RANBP17: variants seen among roughly 807,000 people sequenced by gnomAD.
RANBP17 encodes RAN binding protein 17, also known as ran-binding protein 17.
In RANBP17, 158 loss-of-function variants were observed where a neutral mutation model predicts 141.2. That is an observed-to-expected ratio of 1.12 (90% CI 0.98 to 1.28). The LOEUF (loss-of-function observed/expected upper bound fraction) is 1.28, where lower values mean the gene tolerates loss of function less well. RANBP17 is among the 50% of genes most tolerant of loss of function. The pLI is 0.00. For missense variants in RANBP17, 1,438 were observed against 1,290.7 expected (o/e 1.11, Z -1.75); for synonymous variants, 430 against 450.0 (o/e 0.96, Z 0.56).
chr5:170,886,578 A>G (rs1327588149), intron 3 of RANBP17, among the ~76,000 whole-genome samples: 1 of 152,030 alleles, frequency 6.6e-6, no homozygotes, highest in African/African-American at 2.4e-5. Context: ...AAATGATAAA[A>G]TAGAGTAGTA....
intron 14 of RANBP17, among the ~76,000 whole-genome samples, chr5:170,986,787 G>A (rs1561959867): frequency 6.6e-6 from 1 of 151,754 alleles, no homozygotes; most frequent in Admixed American, 6.6e-5. Context: ...GCAGCAGATG[G>A]CATTCTTTCC....
intron 13 of RANBP17, among the ~76,000 whole-genome samples, chr5:170,964,847 A>G (rs373073402): frequency 6.6e-6 from 1 of 152,122 alleles, no homozygotes; most frequent in East Asian, 1.9e-4. Flanking sequence ...GAATAGTGCC[A>G]CAATAAACAT....
At chr5:171,036,278 C>T (rs1297741829) in intron 14 of RANBP17, among the ~76,000 whole-genome samples, 2 of 151,984 alleles carry the variant, frequency 1.3e-5, no homozygotes, top group South Asian at 2.1e-4. Flanking sequence ...TGATAACATG[C>T]GATATTTGGT....
At chr5:171,164,225 C>T (rs962152176) in intron 14 of RANBP17, among the ~76,000 whole-genome samples, 1 of 152,110 alleles carries the variant, frequency 6.6e-6, no homozygotes. Flanking sequence ...CTGTAATCTA[C>T]TCCAAATTTA....
rs766766666 is a variant in RANBP17, at chr5:170,919,445, G to A, written c.1106G>A (p.Trp369Ter). 2 of 1,562,824 alleles carry A rather than the reference G, an allele frequency of 1.3e-6. No individual in the cohort carries two copies. The highest frequency in any genetic ancestry group is 1.7e-6 in the Non-Finnish European group (2 of 1,158,180). ...TTCTGCTTTATTTCTTTGTAGCACT[G>A]GGAATTTGCTCCTAACAGTGTTCAT... ...ANFTITSLQH[W>*]EFAPNSVHYL... Residue 369 changes from tryptophan to a stop codon, truncating the protein, a stop_gained, in exon 11 of 28, where the codon TGG becomes TAG. Transcript: ENST00000523189. LOFTEE classifies it high-confidence loss of function.
chr5:171,249,610 G>A (rs900191672), intron 24 of RANBP17, among the ~76,000 whole-genome samples: 5 of 152,182 alleles, frequency 3.3e-5, no homozygotes, highest in African/African-American at 4.8e-5. Flanking sequence ...AGAATTCATT[G>A]AGGGAAATAC....
In RANBP17 at chr5:170,918,856, A is replaced by C; in HGVS notation, c.1098A>C (p.Leu366=). ...TTGCTAATTTTACCATTACTAGCCT[A>C]CAGGTAGGTAAAAATATGTAATTAT... ...RLIANFTITS[L]QHWEFAPNSV... Residue 366 remains leucine, a synonymous_variant, in exon 10 of 28, where the codon CTA becomes CTC. Transcript: ENST00000523189. 1 of 1,561,162 alleles carries C rather than the reference A, an allele frequency of 6.4e-7. No individual in the cohort carries two copies. Among genetic ancestry groups the C allele is most frequent in the South Asian group, 1.2e-5 (1 of 83,604 alleles).
Position 170,862,033 on chromosome 5 carries a change from G to A in RANBP17, c.-1G>A. 1 of 1,461,756 alleles carries A rather than the reference G, an allele frequency of 6.8e-7. No homozygotes were observed. 90.5% of individuals were successfully genotyped at this position (1,461,756 alleles called of 1,614,324 possible). On this transcript the variant is annotated 5_prime_UTR_variant, in exon 1 of 28. Coordinates refer to ENST00000523189, the MANE Select transcript of RANBP17 (RefSeq NM_022897.5). ...GCTGGCCGGCGCCGCCTCCTGGGAA[G>A]ATGGCGCTGCACTTCCAGGTCAGTG...
chr5:171,073,215 T>A (rs1419785454), intron 14 of RANBP17, among the ~76,000 whole-genome samples: 2 of 152,028 alleles, frequency 1.3e-5, no homozygotes, highest in Non-Finnish European at 2.9e-5. Context: ...ATGGAAACTA[T>A]AACTGATGAA....
intron 23 of RANBP17, among the ~76,000 whole-genome samples, chr5:171,241,528 C>T (rs1764877970): frequency 6.6e-6 from 1 of 152,050 alleles, no homozygotes; most frequent in African/African-American, 2.4e-5. Flanking sequence ...GCATCATCTT[C>T]CACCTTTATA....
chr5:171,166,499 G>T, intron 14 of RANBP17, among the ~76,000 whole-genome samples: 1 of 151,446 alleles, frequency 6.6e-6, no homozygotes, highest in South Asian at 2.1e-4. Flanking sequence ...CTGCAATATG[G>T]TTTCTTCTTG....
chr5:171,228,326 A>G (rs1581071391), intron 22 of RANBP17, among the ~76,000 whole-genome samples: 3 of 152,330 alleles, frequency 2.0e-5, no homozygotes, highest in South Asian at 4.1e-4. Flanking sequence ...TCAAGACTTC[A>G]GGGGAGAAAT....
chr5:171,006,253 C>T (rs1448314177), intron 14 of RANBP17, among the ~76,000 whole-genome samples: 1 of 152,100 alleles, frequency 6.6e-6, no homozygotes, highest in Non-Finnish European at 1.5e-5. Flanking sequence ...TGGGTATATA[C>T]CCAAAGAATT....
rs530125347 is a variant in RANBP17, at chr5:170,909,939, T to C, written c.594+174T>C. On this transcript the variant is annotated intron_variant, in intron 6 of 27. Transcript: ENST00000523189. ...GTAAGCAGTTCCAAAAAATTCACTT[T>C]TACTCACTGGGCATATGATAAGGTG... is the stretch of plus-strand genomic sequence containing the variant. 2.8e-5 allele frequency: 13 copies of C among 467,416 alleles called. No individual in the cohort carries two copies. In the South Asian group the frequency reaches 4.0e-4, roughly 14 times the overall value. 29.0% of individuals were successfully genotyped at this position (467,416 alleles called of 1,614,324 possible).
At chr5:170,936,839 T>C (rs1773917892) in intron 12 of RANBP17, among the ~76,000 whole-genome samples, 1 of 152,236 alleles carries the variant, frequency 6.6e-6, no homozygotes, top group South Asian at 2.1e-4. Flanking sequence ...TGGAATTGTT[T>C]ATAATCTAAT....
chr5:171,152,640 C>G (rs1003175801), intron 14 of RANBP17, among the ~76,000 whole-genome samples: 38 of 152,142 alleles, frequency 2.5e-4, no homozygotes, highest in African/African-American at 8.9e-4. Context: ...CCACAGCTCC[C>G]TTCTGTCATG....
intron 11 of RANBP17, among the ~76,000 whole-genome samples, chr5:170,921,974 C>G (rs1276582449): frequency 6.6e-6 from 1 of 152,106 alleles, no homozygotes; most frequent in Admixed American, 6.5e-5. Context: ...GTTTTATCTA[C>G]CTTTGGTCTT....
chr5:170,927,517 T>G (rs1041421559), intron 12 of RANBP17, among the ~76,000 whole-genome samples: 5 of 152,180 alleles, frequency 3.3e-5, no homozygotes, highest in African/African-American at 1.2e-4. Context: ...TTGGCCTTTT[T>G]TTTTGTAAAT....
intron 14 of RANBP17, among the ~76,000 whole-genome samples, chr5:171,080,552 G>A (rs1265697003): frequency 1.3e-5 from 2 of 152,156 alleles, no homozygotes; most frequent in African/African-American, 4.8e-5. Context: ...TCACCAAGAG[G>A]ATCATGTGAG....
Sources: allele counts gnomAD v4.1 joint callset (sites outside exome capture counted in the v4.1 genomes callset), GRCh38; gene constraint gnomAD v4.1.1; transcripts MANE v1.5; gene names NCBI Gene and HGNC (gene_info 2026-07-23, HGNC 2026-07-21).